Variants in TENM2 observed in about 807,000 individuals in gnomAD.
TENM2 encodes the protein teneurin-2.
A neutral mutation model predicts 245.2 loss-of-function variants in TENM2; 52 were observed. That is an observed-to-expected ratio of 0.21 (90% confidence interval 0.17 to 0.27). The LOEUF (loss-of-function observed/expected upper bound fraction) is 0.27. Among genes scored for constraint, TENM2 ranks in the 10% least tolerant of loss-of-function variants. TENM2 has a pLI of 1.00. For missense variants in TENM2, 3,046 were observed against 3,666.8 expected (o/e 0.83, Z 4.37); for synonymous variants, 1,363 against 1,438.9 (o/e 0.95, Z 1.19).
At chr5:168,063,604 G>A (rs768956683) in intron 7 of TENM2, among the ~76,000 whole-genome samples, 4 of 152,134 alleles carry the variant, frequency 2.6e-5, no homozygotes, top group Non-Finnish European at 5.9e-5. Context: ...TCAATTGGAA[G>A]AACTTAAAGC....
At chr5:167,170,647 T>G in the TENM2 span, among the ~76,000 whole-genome samples, 1 of 152,326 alleles carries the variant, frequency 6.6e-6, no homozygotes, top group South Asian at 2.1e-4. Context: ...GTCAGTTTTT[T>G]GTTTTTATTT....
chr5:167,633,965 G>A (rs1779032280), intron 2 of TENM2, among the ~76,000 whole-genome samples: 1 of 152,140 alleles, frequency 6.6e-6, no homozygotes, highest in South Asian at 2.1e-4. Context: ...GGCGTTTCCT[G>A]AGCAACTGGT....
the TENM2 span, among the ~76,000 whole-genome samples, chr5:167,028,038 C>T: frequency 1.4e-5 from 2 of 142,978 alleles, no homozygotes; most frequent in African/African-American, 5.2e-5. Context: ...CCACTGTACT[C>T]CAGCCTGGGT....
chr5:167,278,561 T>G, the TENM2 span, among the ~76,000 whole-genome samples: 1 of 152,158 alleles, frequency 6.6e-6, no homozygotes, highest in Non-Finnish European at 1.5e-5. Context: ...AGGGCTCCAG[T>G]TTTACTTACC....
At chr5:168,259,107 G>A (rs572328900) in intron 27 of TENM2, among the ~76,000 whole-genome samples, 7 of 151,986 alleles carry the variant, frequency 4.6e-5, no homozygotes, top group South Asian at 2.1e-4. Context: ...TTCAAGGCAC[G>A]GACATCCAGG....
intron 4 of TENM2, 55 bp downstream of exon 6, chr5:167,952,877 C>G (rs1780231970): frequency 1.4e-6 from 2 of 1,421,386 alleles, no homozygotes; most frequent in African/African-American, 2.8e-5. Context: ...ACCCCTGAGT[C>G]ACCACACAGA....
the TENM2 span, among the ~76,000 whole-genome samples, chr5:167,127,628 TAAA>T: frequency 1.5e-4 from 19 of 123,100 alleles, no homozygotes; most frequent in African/African-American, 5.3e-4. Flanking sequence ...TTTTTTTTTT[TAAA>T]AAAAAAAAAG....
intron 2 of TENM2, among the ~76,000 whole-genome samples, chr5:167,589,484 A>T (rs1024354406): frequency 2.0e-5 from 3 of 152,170 alleles, no homozygotes; most frequent in African/African-American, 7.2e-5. Context: ...ATTTTGTACC[A>T]TATTGCATCC....
intron 11 of TENM2, among the ~76,000 whole-genome samples, chr5:168,125,640 C>G (rs1273413180): frequency 2.0e-5 from 3 of 152,040 alleles, no homozygotes; most frequent in Non-Finnish European, 4.4e-5. Flanking sequence ...TCATTCCGCC[C>G]CCTTCCTCTG....
At chr5:167,037,613 G>A in the TENM2 span, among the ~76,000 whole-genome samples, 198 of 152,212 alleles carry the variant, frequency 1.3e-3, 1 homozygote, top group African/African-American at 4.2e-3. Context: ...TCTGTCACAG[G>A]GTCCTAGCCC....
rs372907684 is a variant in TENM2 at position 167,431,970 on chromosome 5, T to C, written c.502+56497T>C. ...ATATGTATATATATATGTATATATATATATATATGGAAGTTCAATGCTTTC... is the reference window on the plus strand; with the variant it reads ...ATATGTATATATATATGTATATATACATATATATGGAAGTTCAATGCTTTC... On this transcript the variant is annotated intron_variant, in intron 2 of 28. Coordinates refer to ENST00000518659, the Ensembl canonical transcript of TENM2. Among the ~76,000 whole-genome samples the C allele has an allele frequency of 2.3e-3, 306 of 135,472 alleles. 2 individuals carry two copies. Among genetic ancestry groups the C allele is most frequent in the Admixed American group, 4.2e-3 (56 of 13,322 alleles). The allele number at this position is 135,472 out of a possible 152,430, so 88.9% of individuals were successfully genotyped here.
chr5:167,586,376 C>T (rs1775497276), intron 2 of TENM2, among the ~76,000 whole-genome samples: 1 of 152,184 alleles, frequency 6.6e-6, no homozygotes, highest in African/African-American at 2.4e-5. Context: ...TACGGAGGGA[C>T]TACTGTAGTA....
At chr5:167,395,909 C>T (rs532237282) in intron 2 of TENM2, among the ~76,000 whole-genome samples, 1 of 152,102 alleles carries the variant, frequency 6.6e-6, no homozygotes, top group Non-Finnish European at 1.5e-5. Context: ...AATGAGATAC[C>T]ATCTCATACC....
At chr5:168,038,209 A>G (rs247992) in intron 5 of TENM2, among the ~76,000 whole-genome samples, 28,624 of 152,130 alleles carry the variant, frequency 0.19, 2,820 homozygotes, top group South Asian at 0.31. Context: ...ATTCGTAACA[A>G]TTGCTTATCA....
chr5:167,168,688 G>T, the TENM2 span, among the ~76,000 whole-genome samples: 1 of 152,200 alleles, frequency 6.6e-6, no homozygotes, highest in East Asian at 1.9e-4. Context: ...GCTAGCACAA[G>T]GCCTTGATAA....
At chr5:167,927,842 T>A (rs1342599551) in intron 3 of TENM2, among the ~76,000 whole-genome samples, 1 of 152,162 alleles carries the variant, frequency 6.6e-6, no homozygotes, top group Non-Finnish European at 1.5e-5. Context: ...GCCCGGGTCC[T>A]GAGTGCCTGC....
At chr5:167,399,150 G>T (rs1267777332) in intron 2 of TENM2, among the ~76,000 whole-genome samples, 1 of 152,086 alleles carries the variant, frequency 6.6e-6, no homozygotes, top group Non-Finnish European at 1.5e-5. Flanking sequence ...AATTCTAGAA[G>T]GTGATTTCAT....
chr5:168,263,691 C>T (rs1254595438), downstream of TENM2: 1 of 152,494 alleles, frequency 6.6e-6, no homozygotes, highest in African/African-American at 2.4e-5. Context: ...CCATTGTGGA[C>T]AGTAATACGC....
intron 3 of TENM2, among the ~76,000 whole-genome samples, chr5:167,892,164 A>G (rs1299693179): frequency 1.3e-5 from 2 of 152,248 alleles, no homozygotes; most frequent in Non-Finnish European, 2.9e-5. Flanking sequence ...GAAGTGCTAC[A>G]TTAAACGTAC....
Sources: allele counts gnomAD v4.1 joint callset (sites outside exome capture counted in the v4.1 genomes callset), GRCh38; gene constraint gnomAD v4.1.1; transcripts MANE v1.5; gene names NCBI Gene and HGNC (gene_info 2026-07-23, HGNC 2026-07-21).